The following SENP7 variants were observed in gnomAD, a reference collection of about 807,000 sequenced individuals.
SENP7 encodes sentrin-specific protease 7.
SENP7 carries 64 observed loss-of-function variants against 141.2 expected under a neutral mutation model. The ratio of observed to expected loss-of-function variants is 0.45; its 90% CI spans 0.37 to 0.56. The LOEUF is 0.56. Among genes scored for constraint, SENP7 ranks in the 20% least tolerant of loss-of-function variants. SENP7 has a pLI of 0.00. For missense variants in SENP7, 1,025 were observed against 1,212.2 expected (o/e 0.85, Z 2.29); for synonymous variants, 382 against 426.4 (o/e 0.90, Z 1.28).
intron 12 of SENP7, among the ~76,000 whole-genome samples, chr3:101,350,991 A>G (rs1401208408): frequency 6.6e-6 from 1 of 152,030 alleles, no homozygotes; most frequent in African/African-American, 2.4e-5. Flanking sequence ...AGCTACTTTG[A>G]TAGCATCTCC....
At chr3:101,372,985 C>G (rs968261807) in intron 6 of SENP7, among the ~76,000 whole-genome samples, 2 of 151,766 alleles carry the variant, frequency 1.3e-5, no homozygotes, top group Admixed American at 6.6e-5. Flanking sequence ...ACAACTAAGG[C>G]AACTAGTATA....
chr3:101,343,856 T>G lies in SENP7; in HGVS notation c.1936A>C (p.Ser646Arg). ...GGGTAAGAAAGCTCTAATTCTCCAC[T>G]GATTATACTTATTTCCGTCATAATA... is the stretch of plus-strand genomic sequence containing the variant. ...KDIMTEISII[S>R]GELELSYPLS... The change falls in exon 14 of 24, where the codon AGT (serine) becomes CGT (arginine). Residue 646 changes from serine (S) to arginine (R), a missense_variant. By Grantham distance (110) the Ser-to-Arg change is moderately radical (BLOSUM62 -1). Around this residue, in one of 4 missense-constraint regions of SENP7, gnomAD observed 228 missense variants for 228.5 expected, o/e 1.00. Coordinates refer to ENST00000394095, the MANE Select transcript of SENP7 (RefSeq NM_020654.5). 6.2e-7 allele frequency: 1 copy of G among 1,613,776 alleles called. No homozygotes were observed. The highest frequency in any genetic ancestry group is 8.5e-7 in the Non-Finnish European group (1 of 1,179,758).
At chr3:101,443,508 G>A (rs961020726) in intron 4 of SENP7, among the ~76,000 whole-genome samples, 1 of 151,656 alleles carries the variant, frequency 6.6e-6, no homozygotes, top group African/African-American at 2.4e-5. Flanking sequence ...TAGCTTGATG[G>A]GGATGCCATT....
chr3:101,382,599 A>G (rs2060534862), intron 6 of SENP7, among the ~76,000 whole-genome samples: 2 of 152,260 alleles, frequency 1.3e-5, no homozygotes, highest in African/African-American at 4.8e-5. Flanking sequence ...TAAAAATACT[A>G]AAACATTCTG....
At chr3:101,345,989 G>T (rs920874251) in intron 13 of SENP7, among the ~76,000 whole-genome samples, 3 of 152,128 alleles carry the variant, frequency 2.0e-5, no homozygotes, top group African/African-American at 7.2e-5. Context: ...ACAACCCACA[G>T]AGTGGGAAAA....
At chr3:101,351,471 T>G (rs1576046659) in intron 12 of SENP7, 147 bp downstream of exon 12, 1 of 550,736 alleles carries the variant, frequency 1.8e-6, no homozygotes, top group Non-Finnish European at 2.8e-6. Flanking sequence ...GCATACGATT[T>G]TCAGAACAAG....
At chr3:101,343,157 A>T (rs1286279624) in intron 14 of SENP7, among the ~76,000 whole-genome samples, 1 of 152,144 alleles carries the variant, frequency 6.6e-6, no homozygotes, top group East Asian at 1.9e-4. Flanking sequence ...CATTTTGATA[A>T]CTTGGTTAAA....
chr3:101,507,666 C>A (rs1200541241), intron 1 of SENP7, among the ~76,000 whole-genome samples: 1 of 150,358 alleles, frequency 6.7e-6, no homozygotes, highest in African/African-American at 2.4e-5. Flanking sequence ...GGGGGGAAGA[C>A]AAAAAAAAAA....
intron 4 of SENP7, among the ~76,000 whole-genome samples, chr3:101,451,069 C>G (rs929314113): frequency 8.5e-5 from 13 of 152,166 alleles, no homozygotes; most frequent in Non-Finnish European, 1.8e-4. Context: ...AAACTACCAT[C>G]AGAGAATACT....
chr3:101,462,218 T>C (rs1194686633), intron 3 of SENP7, among the ~76,000 whole-genome samples: 1 of 152,142 alleles, frequency 6.6e-6, no homozygotes, highest in Non-Finnish European at 1.5e-5. Flanking sequence ...CAAAAAAGCA[T>C]ATGACTAAAT....
intron 11 of SENP7, among the ~76,000 whole-genome samples, chr3:101,352,138 A>T (rs1323949089): frequency 6.6e-6 from 1 of 152,032 alleles, no homozygotes; most frequent in Non-Finnish European, 1.5e-5. Flanking sequence ...TATAATGAGA[A>T]ATTAAAATTG....
rs748736939 is a variant in SENP7 at position 101,398,843 on chromosome 3, A to C, written c.677+18T>G. Reference sequence around the variant, plus strand: ...AAATAAATATAATTATTTTGAGTAAAGTTATCACTAAACATACCTTTCAGA... The same window carrying C: ...AAATAAATATAATTATTTTGAGTAACGTTATCACTAAACATACCTTTCAGA... On this transcript the variant is annotated intron_variant, in intron 6 of 23. Transcript: ENST00000394095. 8.1e-6 allele frequency: 12 copies of C among 1,480,070 alleles called. No homozygotes were observed. Among genetic ancestry groups the C allele is most frequent in the Admixed American group, 6.3e-5 (3 of 47,578 alleles). The allele number at this position is 1,480,070 out of a possible 1,614,324, so 91.7% of individuals were successfully genotyped here. A position where few individuals can be genotyped will look rare whatever the true frequency, so the allele number is the denominator to read the frequency against.
rs541265232 is a variant in SENP7, at chr3:101,399,185, G to T, written c.483-130C>A. 94 of 487,710 alleles carry T rather than the reference G, an allele frequency of 1.9e-4. No homozygotes were observed. In the South Asian group the frequency reaches 6.2e-3, roughly 32 times the overall value. 30.2% of individuals were successfully genotyped at this position (487,710 alleles called of 1,614,324 possible). ...AAGCTGTTCGAACTACACCACCCTA[G>T]AAATTAACCCATAAATACTTAAAAA... On this transcript the variant is annotated intron_variant, in intron 5 of 23. Transcript: ENST00000394095.
chr3:101,363,264 T>A (rs559321639), intron 10 of SENP7: 1 of 224,564 alleles, frequency 4.5e-6, no homozygotes, highest in South Asian at 1.6e-4. Flanking sequence ...GTCAGACAAA[T>A]AACTGTGGGC....
chr3:101,329,787 A>AG (rs2107194622), intron 20 of SENP7, among the ~76,000 whole-genome samples: 1 of 150,744 alleles, frequency 6.6e-6, no homozygotes, highest in Admixed American at 6.6e-5. Flanking sequence ...AAAAAAAAAA[A>AG]AAAAAAAAAA....
rs375918534 is a variant in SENP7, at chr3:101,345,715, A to C, written c.1838-1761T>G. ...TGGTGCTGGGTAAATGGCAAGCCAC[A>C]TGTAGGAGAATGAAACTGGAGCCTC... On this transcript the variant is annotated intron_variant, in intron 13 of 23. Transcript: ENST00000394095. 3.3e-4 allele frequency among the ~76,000 whole-genome samples: 50 copies of C among 152,378 alleles called. No homozygotes were observed. In the South Asian group the frequency reaches 0.01, roughly 31 times the overall value.
intron 7 of SENP7, 23 bp downstream of exon 7, chr3:101,371,985 A>T (rs770681279): frequency 1.0e-5 from 11 of 1,087,394 alleles, no homozygotes; most frequent in Non-Finnish European, 1.3e-5. Flanking sequence ...TCAAATTCCA[A>T]CAGTTTTCTA....
intron 3 of SENP7, among the ~76,000 whole-genome samples, chr3:101,469,460 GCAC>G (rs1367957534): frequency 6.6e-6 from 1 of 151,466 alleles, no homozygotes; most frequent in Non-Finnish European, 1.5e-5. Context: ...ATTCTTCTCA[GCAC>G]CACATCACAC....
chr3:101,438,379 A>AAAACAAACAGC (rs1344479840), intron 4 of SENP7, among the ~76,000 whole-genome samples: 1 of 152,240 alleles, frequency 6.6e-6, no homozygotes, highest in African/African-American at 2.4e-5. Context: ...TAAAATCATC[A>AAAACAAACAGC]AAACAAACAG....
Sources: gnomAD v4.1 joint callset for allele counts (sites outside exome capture counted in the v4.1 genomes callset) on GRCh38, gnomAD v4.1.1 for gene constraint, gnomAD v4.1.1 regional missense constraint, MANE v1.5 for transcripts, NCBI Gene and HGNC (gene_info 2026-07-23, HGNC 2026-07-21) for gene names.